Variants in DLG2 observed in about 807,000 individuals in gnomAD.
The protein encoded by DLG2 is discs large MAGUK scaffold protein 2, also known as disks large homolog 2.
In DLG2, 45 loss-of-function variants were observed where a neutral mutation model predicts 132.5. The observed-to-expected ratio is 0.34, with a 90% CI of 0.27 to 0.44. The LOEUF is 0.44. Among genes scored for constraint, DLG2 ranks in the 20% least tolerant of loss-of-function variants. The pLI, the probability that DLG2 is intolerant of heterozygous loss-of-function variation, is 1.00. For missense variants in DLG2, 1,045 were observed against 1,196.9 expected, an observed-to-expected ratio of 0.87 and a Z score of 1.87; for synonymous variants, 424 against 419.6, an observed-to-expected ratio of 1.01 and a Z score of -0.13.
At chr11:84,608,965 C>T (rs1487748364) in intron 6 of DLG2, among the ~76,000 whole-genome samples, 3 of 152,104 alleles carry the variant, frequency 2.0e-5, no homozygotes, top group African/African-American at 7.2e-5. Flanking sequence ...GGCACAGGGC[C>T]ATAGATTTAG....
At chr11:83,928,688 G>T (rs2079494812) in intron 15 of DLG2, among the ~76,000 whole-genome samples, 1 of 152,100 alleles carries the variant, frequency 6.6e-6, no homozygotes, top group Non-Finnish European at 1.5e-5. Context: ...ACTAATGGAT[G>T]ATCTTGGGCA....
rs2154097274 is a variant in DLG2, at chr11:84,940,666, C to A, written c.357+170995G>T. Among the ~76,000 whole-genome samples the A allele has an allele frequency of 1.3e-5, 2 of 152,068 alleles. 1 individual carries two copies. The highest frequency in any genetic ancestry group is 4.1e-4 in the South Asian group (2 of 4,820). On this transcript the variant is annotated intron_variant, in intron 6 of 27. Transcript: ENST00000376104. ...ATGGGTAGTTTGCAAACATTTTATC[C>A]CATTCTGTGGGTTTTCTCTTCAGTT...
chr11:84,925,664 G>A (rs1189349774), intron 6 of DLG2, among the ~76,000 whole-genome samples: 1 of 152,146 alleles, frequency 6.6e-6, no homozygotes, highest in African/African-American at 2.4e-5. Context: ...AGTTATAACT[G>A]CCTATGCATA....
intron 11 of DLG2, among the ~76,000 whole-genome samples, chr11:84,050,143 C>T (rs904940091): frequency 2.4e-5 from 3 of 122,792 alleles, no homozygotes; most frequent in Admixed American, 1.9e-4. Context: ...CAATGAAAAA[C>T]TACTGGAGAC....
intron 3 of DLG2, among the ~76,000 whole-genome samples, chr11:85,293,900 C>A (rs907078011): frequency 1.5e-4 from 23 of 152,000 alleles, no homozygotes; most frequent in African/African-American, 4.8e-4. Context: ...TGCCTAATGC[C>A]CCCAACTATT....
chr11:83,553,213 G>C (rs1181849805), intron 19 of DLG2, among the ~76,000 whole-genome samples: 1 of 151,848 alleles, frequency 6.6e-6, no homozygotes, highest in East Asian at 1.9e-4. Flanking sequence ...CTGTAAAATG[G>C]GATTAAAATA....
At chr11:85,590,703 A>C (rs1367551858) in intron 3 of DLG2, among the ~76,000 whole-genome samples, 2 of 151,838 alleles carry the variant, frequency 1.3e-5, no homozygotes, top group African/African-American at 4.8e-5. Flanking sequence ...AAAAAGTAAA[A>C]TTCAAGGCTA....
chr11:85,430,273 A>G (rs1597280117), intron 3 of DLG2, among the ~76,000 whole-genome samples: 1 of 152,144 alleles, frequency 6.6e-6, no homozygotes, highest in Non-Finnish European at 1.5e-5. Context: ...TGATGGGTGC[A>G]GCACACCAAC....
At chr11:85,616,887 A>G (rs550202076) in intron 2 of DLG2, among the ~76,000 whole-genome samples, 1 of 152,330 alleles carries the variant, frequency 6.6e-6, no homozygotes. Flanking sequence ...ACTCGGACAT[A>G]TCAAATATCT....
intron 19 of DLG2, among the ~76,000 whole-genome samples, chr11:83,577,597 A>T (rs1403536544): frequency 1.1e-5 from 1 of 90,552 alleles, no homozygotes; most frequent in Non-Finnish European, 2.2e-5. Context: ...TCCTATTTAT[A>T]ATAGGATATA....
At chr11:85,323,422 C>T (rs2081218691) in intron 3 of DLG2, among the ~76,000 whole-genome samples, 1 of 152,198 alleles carries the variant, frequency 6.6e-6, no homozygotes, top group African/African-American at 2.4e-5. Flanking sequence ...TGTTTTGATA[C>T]ATGCATAGAG....
chr11:83,903,994 T>C (rs977406309), intron 15 of DLG2, among the ~76,000 whole-genome samples: 1 of 152,192 alleles, frequency 6.6e-6, no homozygotes, highest in African/African-American at 2.4e-5. Flanking sequence ...TAACTAATAA[T>C]AAAATATAAC....
At chr11:84,403,444 T>C (rs1425615129) in intron 7 of DLG2, among the ~76,000 whole-genome samples, 1 of 152,190 alleles carries the variant, frequency 6.6e-6, no homozygotes, top group Non-Finnish European at 1.5e-5. Context: ...TTGTATCCTT[T>C]ACATTCCCAC....
intron 10 of DLG2, among the ~76,000 whole-genome samples, chr11:84,098,027 C>A (rs1427660643): frequency 1.4e-5 from 2 of 141,346 alleles, no homozygotes; most frequent in African/African-American, 5.3e-5. Flanking sequence ...CCTAAACTCA[C>A]CATGTGCCTT....
Position 84,420,650 on chromosome 11 carries a change from CTTTTTTTTTTTTTTTTT to C in DLG2, c.519+113903_519+113919del, listed in dbSNP as rs768420271. Among the ~76,000 whole-genome samples the C allele has an allele frequency of 3.7e-3, 157 of 42,230 alleles. 3 individuals carry two copies. Among genetic ancestry groups the C allele is most frequent in the East Asian group, 9.8e-3 (9 of 918 alleles). 27.7% of individuals were successfully genotyped at this position (42,230 alleles called of 152,430 possible). On this transcript the variant is annotated intron_variant, in intron 7 of 27. Transcript: ENST00000376104. ...CAGCACAGTGACCAATGCTTGTTTT[CTTTTTTTTTTTTTTTTT>C]TTTTTTTTTTTTTTTTTTTGAGACG... is the stretch of plus-strand genomic sequence containing the variant.
intron 3 of DLG2, among the ~76,000 whole-genome samples, chr11:85,311,960 A>T (rs1269545365): frequency 6.6e-6 from 1 of 152,072 alleles, no homozygotes; most frequent in African/African-American, 2.4e-5. Context: ...CATGTACCTA[A>T]TCAACACTCA....
chr11:84,144,692 A>G (rs1233594561), intron 9 of DLG2, among the ~76,000 whole-genome samples: 2 of 152,184 alleles, frequency 1.3e-5, no homozygotes, highest in African/African-American at 4.8e-5. Flanking sequence ...AATGACTATC[A>G]CAGCAGTTAT....
chr11:84,196,319 G>T (rs1340706264), intron 8 of DLG2, among the ~76,000 whole-genome samples: 2 of 152,150 alleles, frequency 1.3e-5, no homozygotes, highest in Non-Finnish European at 1.5e-5. Flanking sequence ...AGACAGAAAA[G>T]ATTGAACTGG....
chr11:83,597,397 G>A (rs513710), intron 19 of DLG2, among the ~76,000 whole-genome samples: 108,443 of 152,090 alleles, frequency 0.71, 39,349 homozygotes, highest in African/African-American at 0.85. Context: ...GAAACATAGA[G>A]TAAAACTTGG....
Sources: allele counts gnomAD v4.1 joint callset (sites outside exome capture counted in the v4.1 genomes callset), GRCh38; gene constraint gnomAD v4.1.1; transcripts MANE v1.5; gene names NCBI Gene and HGNC (gene_info 2026-07-23, HGNC 2026-07-21).